BRWD3: variants seen among roughly 807,000 people sequenced by gnomAD.
BRWD3 encodes bromodomain and WD repeat-containing protein 3.
BRWD3 carries 10 observed loss-of-function variants against 149.7 expected under a neutral mutation model. That is an observed-to-expected ratio of 0.07 (90% CI 0.04 to 0.11). BRWD3 has a LOEUF of 0.11. Among genes scored for constraint, BRWD3 ranks in the 10% least tolerant of loss-of-function variants. The probability of loss-of-function intolerance (pLI) is 1.00; values close to 1 mark genes in which losing one functional copy is unlikely to be tolerated. For synonymous variants in BRWD3, 504 were observed against 456.7 expected (o/e 1.10, Z -1.32); for missense variants, 940 against 1,373.2 (o/e 0.68, Z 4.99).
chrX:80,746,449 A>G (rs749851147), intron 6 of BRWD3, among the ~76,000 whole-genome samples: 1 of 110,619 alleles, frequency 9.0e-6, no homozygotes, highest in South Asian at 3.8e-4. Context: ...AAGCCATAAC[A>G]TAGCATAAGT....
intron 31 of BRWD3, 85 bp from the exon 32 acceptor site, chrX:80,690,177 C>A: frequency 1.0e-6 from 1 of 995,207 alleles, no homozygotes; most frequent in Admixed American, 2.4e-5. Context: ...CAAATATGTA[C>A]TTAAACACAG....
At chrX:80,688,747 CA>C (rs1451079961) in intron 33 of BRWD3, among the ~76,000 whole-genome samples, 2 of 110,250 alleles carry the variant, frequency 1.8e-5, no homozygotes, top group African/African-American at 6.6e-5. Flanking sequence ...TATTTTAACC[CA>C]AATAGTGCTA....
intron 6 of BRWD3, among the ~76,000 whole-genome samples, chrX:80,768,075 C>A (rs937733129): frequency 1.8e-5 from 2 of 111,506 alleles, no homozygotes; most frequent in East Asian, 5.6e-4. Flanking sequence ...AAATATGGAA[C>A]TATGTGAAAA....
At chrX:80,767,427 G>C (rs1043438124) in intron 6 of BRWD3, among the ~76,000 whole-genome samples, 9 of 111,276 alleles carry the variant, frequency 8.1e-5, no homozygotes, top group African/African-American at 2.6e-4. Flanking sequence ...GTCTGGAGTG[G>C]ACCTCCAGCA....
intron 12 of BRWD3, 85 bp downstream of exon 12, chrX:80,733,371 T>C: frequency 6.9e-6 from 5 of 728,268 alleles, no homozygotes; most frequent in Non-Finnish European, 1.1e-5. Context: ...AAATAAGGTA[T>C]CTATCATAGA....
chrX:80,699,085 T>C (rs1251889200), intron 25 of BRWD3, among the ~76,000 whole-genome samples: 1 of 108,634 alleles, frequency 9.2e-6, no homozygotes, highest in African/African-American at 3.4e-5. Context: ...CATGGTGGCG[T>C]GTACCTGCGA....
At chrX:80,737,421 G>A (rs1186971843) in intron 8 of BRWD3, among the ~76,000 whole-genome samples, 5 of 112,127 alleles carry the variant, frequency 4.5e-5, no homozygotes, top group African/African-American at 1.3e-4. Context: ...TGTTCAGTAC[G>A]AATGTTAATT....
rs765575249 is a variant in BRWD3 at position 80,691,914 on chromosome X, T to A, written c.3390A>T (p.Leu1130=). ...PVSQEELTAL[L]YKPQEGEWGA... is the part of the protein sequence containing the mutation. ...CCCACTCTCCTTCCTGGGGTTTGTA[T>A]AGCAAAGCAGTCAATTCTTCCTGGG... Residue 1130 remains leucine (L), a synonymous_variant, in exon 30 of 41, where the codon CTA becomes CTT. Coordinates refer to ENST00000373275, the MANE Select transcript of BRWD3 (RefSeq NM_153252.5). The A allele has an allele frequency of 5.0e-6, 6 of 1,209,654 alleles. No homozygotes were observed. Among genetic ancestry groups the A allele is most frequent in the Non-Finnish European group, 5.6e-6 (5 of 894,923 alleles).
chrX:80,804,920 T>C (rs1283901598), intron 4 of BRWD3, among the ~76,000 whole-genome samples: 1 of 112,238 alleles, frequency 8.9e-6, no homozygotes. Context: ...CCCTCTATCA[T>C]TACTTAAAAT....
At position 80,745,631 on chromosome X, in the gene BRWD3, G is replaced by C; in HGVS notation, c.529C>G (p.Leu177Val). The C allele has an allele frequency of 8.3e-7, 1 of 1,209,955 alleles. No individual in the cohort carries two copies. The highest frequency in any genetic ancestry group is 1.1e-6 in the Non-Finnish European group (1 of 894,508). Residue 177 changes from leucine (L) to valine (V), a missense_variant, in exon 7 of 41, where the codon CTG (leucine) becomes GTG (valine). Physicochemically the swap from Leu to Val is conservative, Grantham distance 32 (BLOSUM62 1). This residue lies in a region of BRWD3 where 209 missense variants were observed against 396.8 expected (regional missense o/e 0.53). Coordinates refer to ENST00000373275, the MANE Select transcript of BRWD3 (RefSeq NM_153252.5). Reference protein sequence around the residue: ...YQHIKMHKRILGHLSSVYCVA... With the variant: ...YQHIKMHKRIVGHLSSVYCVA... Reference sequence around the variant, plus strand: ...CAGTAGACAGATGACAAGTGCCCCAGAATTCTCTTATGCATCTTAATGTGC... The same window carrying C: ...CAGTAGACAGATGACAAGTGCCCCACAATTCTCTTATGCATCTTAATGTGC...
At chrX:80,687,795 G>C (rs1252578456) in intron 34 of BRWD3, among the ~76,000 whole-genome samples, 1 of 109,910 alleles carries the variant, frequency 9.1e-6, no homozygotes, top group Admixed American at 9.9e-5. Flanking sequence ...GCTGGAAAAA[G>C]AGTGTAATAT....
At chrX:80,770,614 A>C (rs2073932243) in intron 6 of BRWD3, among the ~76,000 whole-genome samples, 2 of 111,740 alleles carry the variant, frequency 1.8e-5, no homozygotes, top group Admixed American at 9.5e-5. Flanking sequence ...AAACAATACA[A>C]GCTACTTATG....
intron 19 of BRWD3, among the ~76,000 whole-genome samples, chrX:80,716,595 T>C (rs906473691): frequency 3.6e-5 from 4 of 112,311 alleles, no homozygotes; most frequent in African/African-American, 1.3e-4. Flanking sequence ...TGTCCTTTTG[T>C]CTCTGGCTTC....
intron 4 of BRWD3, among the ~76,000 whole-genome samples, chrX:80,804,546 G>A (rs974565389): frequency 3.6e-5 from 4 of 111,804 alleles, no homozygotes; most frequent in Non-Finnish European, 7.5e-5. Context: ...CCCTGGTTCA[G>A]TCTTATGATA....
At chrX:80,682,160 A>G in intron 38 of BRWD3, 66 bp from the exon 39 acceptor site, 1 of 924,438 alleles carries the variant, frequency 1.1e-6, no homozygotes, top group Non-Finnish European at 1.6e-6. Flanking sequence ...TATGATAGAC[A>G]GTATGATACA....
chrX:80,754,567 T>A (rs1255369803), intron 6 of BRWD3, among the ~76,000 whole-genome samples: 1 of 112,177 alleles, frequency 8.9e-6, no homozygotes, highest in Non-Finnish European at 1.9e-5. Context: ...AAGCAGGCAC[T>A]CTCTTGTCTT....
intron 6 of BRWD3, among the ~76,000 whole-genome samples, chrX:80,767,529 C>T (rs962174627): frequency 9.0e-6 from 1 of 111,423 alleles, no homozygotes; most frequent in Non-Finnish European, 1.9e-5. Flanking sequence ...AAAAGGACAT[C>T]CACACCAAAA....
At chrX:80,740,512 A>C (rs1265486054) in intron 8 of BRWD3, among the ~76,000 whole-genome samples, 1 of 112,065 alleles carries the variant, frequency 8.9e-6, no homozygotes, top group Non-Finnish European at 1.9e-5. Context: ...TGGGAAGCCA[A>C]AGCCAGAGGA....
intron 6 of BRWD3, among the ~76,000 whole-genome samples, chrX:80,781,298 T>G (rs765724935): frequency 9.0e-6 from 1 of 111,507 alleles, no homozygotes; most frequent in African/African-American, 3.3e-5. Flanking sequence ...CCGTGTGCTC[T>G]CAGGCGATAG....
Sources: allele counts gnomAD v4.1 joint callset (sites outside exome capture counted in the v4.1 genomes callset), GRCh38; gene constraint gnomAD v4.1.1; regional missense constraint gnomAD v4.1.1; transcripts MANE v1.5; gene names NCBI Gene and HGNC (gene_info 2026-07-23, HGNC 2026-07-21).